Variants in ASB2 observed in about 807,000 individuals in gnomAD.
ASB2 encodes ankyrin repeat and SOCS box protein 2.
In ASB2, 58 loss-of-function variants were observed where a neutral mutation model predicts 62.4. That is an observed-to-expected ratio of 0.93 (90% confidence interval 0.75 to 1.16). ASB2 has a LOEUF of 1.16. Among genes scored for constraint, ASB2 ranks in the 50% most tolerant of loss-of-function variants. ASB2 has a pLI of 0.00. For synonymous variants in ASB2, 386 were observed against 385.3 expected, an observed-to-expected ratio of 1.00 and a Z score of -0.02; for missense variants, 928 against 887.9, an observed-to-expected ratio of 1.05 and a Z score of -0.57.
Position 93,952,613 on chromosome 14 carries a change from C to T in ASB2, c.634+739G>A, listed in dbSNP as rs114022001. On this transcript the variant is annotated intron_variant, in intron 5 of 9. Transcript: ENST00000555019. ...TTGAGGGCAGTGTGACATCCACCTC[C>T]CTGAGTTTAAACCACTGGGGTACCC... Among the ~76,000 whole-genome samples the T allele has an allele frequency of 1.9e-3, 285 of 152,332 alleles. 3 individuals carry two copies. The highest frequency in any genetic ancestry group is 0.014 in the Middle Eastern group (4 of 294).
chr14:93,959,998 C>T (rs1889354599), intron 2 of ASB2, among the ~76,000 whole-genome samples: 1 of 114,170 alleles, frequency 8.8e-6, no homozygotes, highest in African/African-American at 4.5e-5. Context: ...ACGCCCACCC[C>T]ATGCCACGAG....
chr14:93,965,737 G>T (rs951190608), intron 1 of ASB2, among the ~76,000 whole-genome samples: 1 of 152,226 alleles, frequency 6.6e-6, no homozygotes, highest in African/African-American at 2.4e-5. Context: ...CCTAAAGGCA[G>T]ATCTTTCCCC....
At chr14:93,974,376 A>T (rs111679318) in intron 1 of ASB2, among the ~76,000 whole-genome samples, 1 of 152,254 alleles carries the variant, frequency 6.6e-6, no homozygotes. Flanking sequence ...GTGCTAAGGA[A>T]AGAGAACCAC....
intron 1 of ASB2, among the ~76,000 whole-genome samples, chr14:93,974,357 C>T (rs1889848284): frequency 6.6e-6 from 1 of 152,208 alleles, no homozygotes; most frequent in Admixed American, 6.5e-5. Flanking sequence ...TTAATTATTC[C>T]AAACAATGGT....
rs756086903 is a variant in ASB2, at chr14:93,954,304, G to T, written c.478+13C>A. The T allele has an allele frequency of 1.9e-6, 3 of 1,609,998 alleles. No individual in the cohort carries two copies. The highest frequency in any genetic ancestry group is 1.3e-5 in the African/African-American group (1 of 74,990). On this transcript the variant is annotated intron_variant, in intron 4 of 9. Transcript: ENST00000555019. ...TTTCCCACCTCTTGCCACCGTCAGA[G>T]CCCAGCCCTCACCTCGCTGCAGGAC...
rs547067875 is a variant in ASB2, at chr14:93,937,840, G to A, written c.1629C>T (p.Phe543=). The A allele has an allele frequency of 3.0e-5, 48 of 1,596,888 alleles. No individual in the cohort carries two copies. The highest frequency in any genetic ancestry group is 1.3e-4 in the Admixed American group (8 of 59,680). Residue 543 remains phenylalanine, a synonymous_variant, in exon 9 of 10, where the codon TTC becomes TTT. Transcript: ENST00000555019. ...AGCGGCTCACCTCTGGGGCAGATAC[G>A]AACTCACAGAACTGAAAGAGAACAT... is the stretch of plus-strand genomic sequence containing the variant. ...KEPSVVQFCE[F]VSAPEVSRWA... is the part of the protein sequence containing the mutation.
intron 6 of ASB2, among the ~76,000 whole-genome samples, chr14:93,947,839 CA>C (rs1208093358): frequency 5.9e-5 from 9 of 151,636 alleles, no homozygotes; most frequent in Non-Finnish European, 1.3e-4. Context: ...ACTAAAAATA[CA>C]AAAATTAGCT....
intron 9 of ASB2, among the ~76,000 whole-genome samples, chr14:93,935,360 G>T (rs776228407): frequency 2.0e-5 from 3 of 152,252 alleles, no homozygotes; most frequent in Non-Finnish European, 2.9e-5. Context: ...GTGGGTAGAG[G>T]TAAGAGCAGG....
chr14:93,953,628 A>G (rs1229318430), intron 4 of ASB2, 121 bp from the exon 5 acceptor site: 7 of 871,004 alleles, frequency 8.0e-6, no homozygotes, highest in Non-Finnish European at 1.2e-5. Flanking sequence ...AAATTTACCA[A>G]CTACAGACTG....
chr14:93,963,396 A>C (rs1210798298), intron 2 of ASB2, among the ~76,000 whole-genome samples: 1 of 139,072 alleles, frequency 7.2e-6, no homozygotes, highest in Non-Finnish European at 1.5e-5. Context: ...TTGGCTGGGG[A>C]CGGGGGTGAG....
chr14:93,942,937 A>G (rs1198275974), intron 7 of ASB2, among the ~76,000 whole-genome samples: 2 of 152,108 alleles, frequency 1.3e-5, no homozygotes, highest in Non-Finnish European at 2.9e-5. Context: ...TTTACCCCTT[A>G]CCTTCTTAAG....
In ASB2 at chr14:93,944,118, G is replaced by A. The variant is rs79491008; in HGVS notation, c.1052+3231C>T. 3.6e-3 allele frequency: 1,457 copies of A among 406,316 alleles called. 5 individuals carry two copies. Among genetic ancestry groups the A allele is most frequent in the Non-Finnish European group, 5.1e-3 (1,041 of 203,828 alleles). The allele number at this position is 406,316 out of a possible 1,614,324, so 25.2% of individuals were successfully genotyped here. A position where few individuals can be genotyped will look rare whatever the true frequency, so the allele number is the denominator to read the frequency against. On this transcript the variant is annotated intron_variant, in intron 7 of 9. Coordinates refer to ENST00000555019, the MANE Select transcript of ASB2 (RefSeq NM_001202429.2). The stretch of plus-strand genomic sequence containing the variant: ...TAGACACCTTGAAGCCTCAGCCACG[G>A]CCCAGACCAGCGGCAGCGCCATCTC...
chr14:93,966,205 T>C (rs1435590045), intron 1 of ASB2, among the ~76,000 whole-genome samples: 2 of 152,210 alleles, frequency 1.3e-5, no homozygotes, highest in African/African-American at 4.8e-5. Flanking sequence ...GTCCCCTCAA[T>C]GGCCATTTCC....
At chr14:93,975,915 T>G (rs72700358) in intron 1 of ASB2, among the ~76,000 whole-genome samples, 10,986 of 152,280 alleles carry the variant, frequency 0.072, 419 homozygotes, top group African/African-American at 0.084. Flanking sequence ...ATAACATTCC[T>G]CCATTTCCTC....
chr14:93,952,493 G>A (rs1274634644), intron 5 of ASB2, among the ~76,000 whole-genome samples: 1 of 152,230 alleles, frequency 6.6e-6, no homozygotes, highest in Non-Finnish European at 1.5e-5. Context: ...AGGGATATCT[G>A]TAATTTTTCC....
intron 7 of ASB2, among the ~76,000 whole-genome samples, chr14:93,943,453 C>G (rs1007968110): frequency 6.6e-6 from 1 of 152,076 alleles, no homozygotes; most frequent in Non-Finnish European, 1.5e-5. Flanking sequence ...GAGACCAGCC[C>G]GGGCAACATG....
chr14:93,945,866 A>C (rs1285897696), intron 7 of ASB2, among the ~76,000 whole-genome samples: 1 of 152,190 alleles, frequency 6.6e-6, no homozygotes, highest in Admixed American at 6.5e-5. Context: ...ACATGCCCCA[A>C]TACACGCAGT....
At chr14:93,955,356 T>C (rs1446201281) in intron 3 of ASB2, 1 of 352,110 alleles carries the variant, frequency 2.8e-6, no homozygotes. Context: ...TCAGACTCTG[T>C]GGTTATTAAT....
At chr14:93,963,402 G>C (rs1056481787) in intron 2 of ASB2, among the ~76,000 whole-genome samples, 1 of 150,764 alleles carries the variant, frequency 6.6e-6, no homozygotes, top group Non-Finnish European at 1.5e-5. Context: ...GGGGACGGGG[G>C]TGAGGAGCAA....
Sources: allele counts gnomAD v4.1 joint callset (sites outside exome capture counted in the v4.1 genomes callset), GRCh38; gene constraint gnomAD v4.1.1; transcripts MANE v1.5; gene names NCBI Gene and HGNC (gene_info 2026-07-23, HGNC 2026-07-21).